Variants in NRG1 observed in about 807,000 individuals in gnomAD.
The protein encoded by NRG1 is neuregulin 1.
NRG1 carries 18 observed loss-of-function variants against 63.8 expected under a neutral mutation model. The observed-to-expected ratio is 0.28, with a 90% CI of 0.19 to 0.42. NRG1 has a LOEUF of 0.42. Among genes scored for constraint, NRG1 ranks in the 10% least tolerant of loss-of-function variants. The pLI is 1.00. For synonymous variants in NRG1, 302 were observed against 301.3 expected (o/e 1.00, Z -0.02); for missense variants, 762 against 814.7 (o/e 0.94, Z 0.79).
chr8:32,691,348 G>A lies in NRG1; in HGVS notation c.503-36601G>A, dbSNP rs147331144. On this transcript the variant is annotated intron_variant, in intron 5 of 11. Coordinates refer to ENST00000356819, the Ensembl canonical transcript of NRG1. ...AGCCTGGGCAACAGTGCCAGACTCCGTCTCAAAAAACAAAACAAACAAACA... is the reference window on the plus strand; with the variant it reads ...AGCCTGGGCAACAGTGCCAGACTCCATCTCAAAAAACAAAACAAACAAACA... 4.2e-3 allele frequency among the ~76,000 whole-genome samples: 635 copies of A among 152,192 alleles called. 4 individuals carry two copies. The highest frequency in any genetic ancestry group is 0.013 in the African/African-American group (560 of 41,526).
At chr8:32,562,242 C>T (rs1028161814) in intron 1 of NRG1, among the ~76,000 whole-genome samples, 6 of 151,942 alleles carry the variant, frequency 3.9e-5, no homozygotes, top group Non-Finnish European at 8.8e-5. Context: ...ACTGCTGATT[C>T]CCAGCCAGTC....
intron 1 of NRG1, among the ~76,000 whole-genome samples, chr8:31,646,316 A>T (rs2130855478): frequency 6.6e-6 from 1 of 152,324 alleles, no homozygotes; most frequent in Admixed American, 6.5e-5. Context: ...GTCCAAGGGA[A>T]CCTAGAGGAG....
At chr8:32,644,753 G>C (rs1196826147) in intron 5 of NRG1, among the ~76,000 whole-genome samples, 1 of 151,188 alleles carries the variant, frequency 6.6e-6, no homozygotes, top group Admixed American at 6.6e-5. Flanking sequence ...GGTTTTCTCT[G>C]TAAGTGTTGG....
intron 1 of NRG1, among the ~76,000 whole-genome samples, chr8:32,535,836 C>T (rs1436941919): frequency 6.6e-6 from 1 of 152,092 alleles, no homozygotes; most frequent in Admixed American, 6.5e-5. Flanking sequence ...TGCCCATTGA[C>T]CAGCTCTTCA....
At chr8:32,595,614 C>CTTGG (rs751877377) in intron 1 of NRG1, among the ~76,000 whole-genome samples, 3 of 152,146 alleles carry the variant, frequency 2.0e-5, no homozygotes, top group Non-Finnish European at 4.4e-5. Flanking sequence ...ATTTTCTAAT[C>CTTGG]TTGGTTCTCT....
At chr8:31,671,243 C>G (rs1807113291) in intron 1 of NRG1, among the ~76,000 whole-genome samples, 1 of 152,110 alleles carries the variant, frequency 6.6e-6, no homozygotes, top group Admixed American at 6.6e-5. Flanking sequence ...TTGTATGTGA[C>G]TTCCTAGAGA....
chr8:32,354,584 T>A (rs1231177916), intron 1 of NRG1, among the ~76,000 whole-genome samples: 2 of 151,836 alleles, frequency 1.3e-5, no homozygotes, highest in Non-Finnish European at 2.9e-5. Flanking sequence ...TCACAACTCA[T>A]CATATGGTAT....
At chr8:32,296,815 AT>A (rs1322381217) in intron 1 of NRG1, among the ~76,000 whole-genome samples, 1 of 152,098 alleles carries the variant, frequency 6.6e-6, no homozygotes, top group East Asian at 2.0e-4. Flanking sequence ...TTTTATTCAT[AT>A]TTTTAAAACA....
intron 1 of NRG1, among the ~76,000 whole-genome samples, chr8:32,148,783 AGTAAGTTAT>A (rs1837186912): frequency 6.6e-6 from 1 of 152,208 alleles, no homozygotes; most frequent in South Asian, 2.1e-4. Flanking sequence ...ACAACACCCC[AGTAAGTTAT>A]GTGTTATTTG....
intron 1 of NRG1, among the ~76,000 whole-genome samples, chr8:31,737,591 A>G (rs1814814337): frequency 6.6e-6 from 1 of 152,152 alleles, no homozygotes; most frequent in African/African-American, 2.4e-5. Flanking sequence ...TCTCCCACAT[A>G]TGACAAAAAT....
At chr8:32,572,799 T>C (rs752846869) in intron 1 of NRG1, among the ~76,000 whole-genome samples, 7 of 152,216 alleles carry the variant, frequency 4.6e-5, no homozygotes, top group Non-Finnish European at 5.9e-5. Context: ...CCCAAGGGTT[T>C]CTACAAAGTC....
intron 1 of NRG1, among the ~76,000 whole-genome samples, chr8:32,059,846 G>A (rs1256953031): frequency 5.9e-5 from 9 of 151,582 alleles, no homozygotes; most frequent in East Asian, 3.9e-4. Context: ...ATATGTTCTC[G>A]CCTCCATTTT....
intron 1 of NRG1, among the ~76,000 whole-genome samples, chr8:32,209,910 T>C (rs1476767341): frequency 6.6e-6 from 1 of 152,176 alleles, no homozygotes; most frequent in Non-Finnish European, 1.5e-5. Flanking sequence ...GTCTCTTTGT[T>C]ATACAGGAAA....
intron 1 of NRG1, among the ~76,000 whole-genome samples, chr8:32,536,922 CAAAAA>C (rs35265022): frequency 1.4e-4 from 5 of 35,912 alleles, no homozygotes; most frequent in East Asian, 9.3e-4. Flanking sequence ...GACTCCGTCT[CAAAAA>C]AAAAAAAAAA....
intron 1 of NRG1, among the ~76,000 whole-genome samples, chr8:31,643,771 G>T (rs1804029140): frequency 6.6e-6 from 1 of 152,136 alleles, no homozygotes; most frequent in Non-Finnish European, 1.5e-5. Context: ...ATTCAAACAA[G>T]TCATTGTTTG....
chr8:31,796,415 T>C (rs76663871), intron 1 of NRG1, among the ~76,000 whole-genome samples: 1 of 5,270 alleles, frequency 1.9e-4, no homozygotes, highest in Non-Finnish European at 4.3e-4. Context: ...GCGTATAATC[T>C]TTTTTTTTTT....
intron 1 of NRG1, among the ~76,000 whole-genome samples, chr8:31,930,029 A>T (rs1834736130): frequency 6.6e-6 from 1 of 152,196 alleles, no homozygotes; most frequent in Admixed American, 6.5e-5. Flanking sequence ...GCTGGGACTG[A>T]TTCCTTGCCA....
intron 1 of NRG1, among the ~76,000 whole-genome samples, chr8:32,514,390 C>G (rs1829573608): frequency 6.6e-6 from 1 of 151,918 alleles, no homozygotes; most frequent in Non-Finnish European, 1.5e-5. Flanking sequence ...ATTATTTGAT[C>G]TTTTCTGAGA....
In NRG1 at chr8:32,594,061, G is replaced by T. The variant is rs186137737; in HGVS notation, c.101-1767G>T. The stretch of plus-strand genomic sequence containing the variant: ...TGCTAAGAAATCACAGCATTCAAAT[G>T]ATTTTTTTCTGAAATTTATTGGAAA... On this transcript the variant is annotated intron_variant, in intron 1 of 11. Transcript: ENST00000356819. 1.9e-3 allele frequency among the ~76,000 whole-genome samples: 296 copies of T among 152,162 alleles called. 4 individuals carry two copies. Among genetic ancestry groups the T allele is most frequent in the Non-Finnish European group, 3.2e-4 (22 of 68,004 alleles).
Sources: gnomAD v4.1 joint callset for allele counts (sites outside exome capture counted in the v4.1 genomes callset) on GRCh38, gnomAD v4.1.1 for gene constraint, MANE v1.5 for transcripts, NCBI Gene and HGNC (gene_info 2026-07-23, HGNC 2026-07-21) for gene names.